The following EPAS1 variants were observed in gnomAD, a reference collection of about 807,000 sequenced individuals.
EPAS1 encodes endothelial PAS domain protein 1, also known as endothelial PAS domain-containing protein 1.
In EPAS1, 23 loss-of-function variants were observed where a neutral mutation model predicts 87.9. That is an observed-to-expected ratio of 0.26 (90% confidence interval 0.19 to 0.37). The LOEUF (loss-of-function observed/expected upper bound fraction) is 0.37. Ranked by LOEUF, EPAS1 falls within the 10% of genes least tolerant of loss-of-function variation. EPAS1 has a pLI of 1.00. For synonymous variants in EPAS1, 508 were observed against 444.3 expected (o/e 1.14, Z -1.80); for missense variants, 1,138 against 1,120.7 (o/e 1.02, Z -0.22).
chr2:46,297,818 C>T lies in EPAS1; in HGVS notation c.-94C>T. ...CGCACCTCGGACCTTCACCACCCGC[C>T]CGGGCCGCGGGGAGCGGACGAGGGC... On this transcript the variant is annotated 5_prime_UTR_variant, in exon 1 of 16. Transcript: ENST00000263734. 1.3e-6 allele frequency: 2 copies of T among 1,538,632 alleles called. No individual in the cohort carries two copies. Among genetic ancestry groups the T allele is most frequent in the South Asian group, 1.2e-5 (1 of 84,610 alleles).
Position 46,346,065 on chromosome 2 carries a change from A to G in EPAS1, c.27-808A>G, listed in dbSNP as rs75277544. Among the ~76,000 whole-genome samples the G allele has an allele frequency of 4.1e-4, 63 of 152,344 alleles. No homozygotes were observed. In the East Asian group the frequency reaches 0.012, roughly 28 times the overall value. Reference sequence around the variant, plus strand: ...AATCTAAACATTCTGGCTTTTAAATATTGCCCGTGCTAGAACTTGCCATGG... The same window carrying G: ...AATCTAAACATTCTGGCTTTTAAATGTTGCCCGTGCTAGAACTTGCCATGG... On this transcript the variant is annotated intron_variant, in intron 1 of 15. Transcript: ENST00000263734. The surrounding 1 kb of genome is among the most constrained non-coding windows in gnomAD (Gnocchi z 4.0).
intron 1 of EPAS1, among the ~76,000 whole-genome samples, chr2:46,328,728 G>C (rs1683612886): frequency 6.6e-6 from 1 of 152,222 alleles, no homozygotes; most frequent in Admixed American, 6.5e-5. Context: ...ACTTAGAACA[G>C]TGGGGAGGAC....
chr2:46,320,348 G>A (rs576267248), intron 1 of EPAS1, among the ~76,000 whole-genome samples: 2 of 152,274 alleles, frequency 1.3e-5, no homozygotes, highest in East Asian at 3.9e-4. Flanking sequence ...AGACTTAATT[G>A]GTCCTGGGAA....
intron 4 of EPAS1, among the ~76,000 whole-genome samples, chr2:46,359,256 T>TCAAAAAAAAAAAAAAAAA (rs1684336245): frequency 6.2e-5 from 1 of 16,052 alleles, no homozygotes; most frequent in Non-Finnish European, 8.3e-5. Context: ...AGATTCTGTC[T>TCAAAAAAAAAAAAAAAAA]CAAAAAAAAA....
intron 1 of EPAS1, among the ~76,000 whole-genome samples, chr2:46,298,609 T>C (rs552855123): frequency 4.0e-4 from 61 of 152,282 alleles, no homozygotes; most frequent in African/African-American, 1.4e-3. Flanking sequence ...TGGTTCGGTG[T>C]GTAGGAAGCG....
intron 6 of EPAS1, among the ~76,000 whole-genome samples, chr2:46,361,966 C>T (rs1684398842): frequency 6.6e-6 from 1 of 152,142 alleles, no homozygotes; most frequent in African/African-American, 2.4e-5. Context: ...AGAACAGATG[C>T]CCGGAGCAAT....
intron 1 of EPAS1, among the ~76,000 whole-genome samples, chr2:46,326,489 G>A (rs1558588317): frequency 6.6e-6 from 1 of 152,130 alleles, no homozygotes; most frequent in Non-Finnish European, 1.5e-5. Flanking sequence ...ATTTGGTCAG[G>A]GTGGAGAGGC....
intron 4 of EPAS1, among the ~76,000 whole-genome samples, chr2:46,359,104 C>A (rs1684332458): frequency 6.6e-6 from 1 of 151,684 alleles, no homozygotes; most frequent in Non-Finnish European, 1.5e-5. Context: ...ACCAAAAATA[C>A]AAAAATTAGC....
At chr2:46,340,832 C>G (rs1487799637) in intron 1 of EPAS1, among the ~76,000 whole-genome samples, 1 of 152,192 alleles carries the variant, frequency 6.6e-6, no homozygotes, top group Non-Finnish European at 1.5e-5. Context: ...AAGGGATCCT[C>G]CTGCCTCAGC....
rs374557287 is a variant in EPAS1 at position 46,314,164 on chromosome 2, G to A, written c.26+16227G>A. The stretch of plus-strand genomic sequence containing the variant: ...TCTCTTGGCACCTTATTTTTCTGTC[G>A]TGGTGATGTTATTGTTTGTCTTATT... On this transcript the variant is annotated intron_variant, in intron 1 of 15. Coordinates refer to ENST00000263734, the MANE Select transcript of EPAS1 (RefSeq NM_001430.5). 1.3e-4 allele frequency among the ~76,000 whole-genome samples: 20 copies of A among 152,212 alleles called. No individual in the cohort carries two copies. In the South Asian group the frequency reaches 1.7e-3, roughly 13 times the overall value.
rs1483705092 is a variant in EPAS1, at chr2:46,380,162, T to A, written c.1555-65T>A. ...GATGAATGGCTCTGCAGGAGCTGAG[T>A]TGGAATAGTGTTTGTGAGGTCGTAC... On this transcript the variant is annotated intron_variant, in intron 11 of 15. Coordinates refer to ENST00000263734, the MANE Select transcript of EPAS1 (RefSeq NM_001430.5). This position sits in a 1 kb window ranked among gnomAD's most constrained non-coding sequence, Gnocchi z 4.4. 5.0e-6 allele frequency: 8 copies of A among 1,599,412 alleles called. No individual in the cohort carries two copies. The highest frequency in any genetic ancestry group is 6.8e-6 in the Non-Finnish European group (8 of 1,179,656).
chr2:46,382,461 A>T lies in EPAS1; in HGVS notation c.2324A>T (p.His775Leu), dbSNP rs1006098719. The T allele has an allele frequency of 1.9e-6, 3 of 1,614,128 alleles. No homozygotes were observed. The highest frequency in any genetic ancestry group is 1.7e-6 in the Non-Finnish European group (2 of 1,180,018). The change falls in exon 15 of 16, where the codon CAT (histidine) becomes CTT (leucine). Residue 775 changes from histidine (H) to leucine (L), a missense_variant. His to Leu is a moderately conservative substitution (Grantham distance 99). Coordinates refer to ENST00000263734, the MANE Select transcript of EPAS1 (RefSeq NM_001430.5). ...FTQNPMRGLG[H>L]PLRHLPLPQP... Reference sequence around the variant, plus strand: ...CAAAACCCCATGAGGGGCCTGGGCCATCCCCTGAGACATCTGCCGCTGCCA... The same window carrying T: ...CAAAACCCCATGAGGGGCCTGGGCCTTCCCCTGAGACATCTGCCGCTGCCA...
In EPAS1 at chr2:46,378,012, C is replaced by T. The variant is rs753000671; in HGVS notation, c.1368C>T (p.Ala456=). ...AGAGCGAGGCTGGGAGCCTGCCTGC[C>T]TTCACCGTGCCCCAGGCAGCTGCCC... ...STQSEAGSLP[A]FTVPQAAAPG... is the part of the protein sequence containing the mutation. The change falls in exon 10 of 16, where the codon GCC becomes GCT. Residue 456 remains alanine, a synonymous_variant. Transcript: ENST00000263734. 6.3e-7 allele frequency: 1 copy of T among 1,599,980 alleles called. No individual in the cohort carries two copies. The highest frequency in any genetic ancestry group is 1.7e-5 in the Admixed American group (1 of 58,606).
At chr2:46,384,352 G>GT in intron 15 of EPAS1, 157 bp from the exon 16 acceptor site, 1 of 1,055,290 alleles carries the variant, frequency 9.5e-7, no homozygotes, top group Admixed American at 1.7e-5. Flanking sequence ...AGGCAGACAC[G>GT]TTCCCCGGGC....
At chr2:46,377,241 A>T (rs1684771676) in intron 9 of EPAS1, among the ~76,000 whole-genome samples, 1 of 152,208 alleles carries the variant, frequency 6.6e-6, no homozygotes. Context: ...AAGCCCTCAA[A>T]CCCACGACTT....
intron 1 of EPAS1, among the ~76,000 whole-genome samples, chr2:46,333,181 A>G (rs1488073883): frequency 2.0e-5 from 3 of 152,200 alleles, no homozygotes; most frequent in Non-Finnish European, 4.4e-5. Context: ...GCACTAAAGC[A>G]TTGGAACTCT....
intron 1 of EPAS1, among the ~76,000 whole-genome samples, chr2:46,333,198 C>T (rs1215694451): frequency 2.0e-5 from 3 of 152,194 alleles, no homozygotes; most frequent in African/African-American, 7.2e-5. Context: ...CTCTGCAATA[C>T]CCCCACAGCT....
At chr2:46,370,325 A>G (rs1458755022) in intron 7 of EPAS1, among the ~76,000 whole-genome samples, 1 of 152,248 alleles carries the variant, frequency 6.6e-6, no homozygotes, top group African/African-American at 2.4e-5. Context: ...GGTGCATGCT[A>G]TAGATTCAAG....
chr2:46,302,544 C>T (rs1174393735), intron 1 of EPAS1, among the ~76,000 whole-genome samples: 1 of 152,002 alleles, frequency 6.6e-6, no homozygotes, highest in Non-Finnish European at 1.5e-5. Context: ...TGTACTTCCA[C>T]CCCTCTCCCC....
Sources: gnomAD v4.1 joint callset for allele counts (sites outside exome capture counted in the v4.1 genomes callset) on GRCh38, gnomAD v4.1.1 for gene constraint, Gnocchi (gnomAD v3.1) non-coding constraint, MANE v1.5 for transcripts, NCBI Gene and HGNC (gene_info 2026-07-23, HGNC 2026-07-21) for gene names.